The following VPS13B variants were observed in gnomAD, a reference collection of about 807,000 sequenced individuals.
VPS13B encodes the protein intermembrane lipid transfer protein VPS13B.
VPS13B carries 285 observed loss-of-function variants against 426.4 expected under a neutral mutation model. The observed-to-expected ratio is 0.67, with a 90% CI of 0.61 to 0.74. The LOEUF (loss-of-function observed/expected upper bound fraction) is 0.74. Among genes scored for constraint, VPS13B ranks in the 30% least tolerant of loss-of-function variants. The pLI, the probability that VPS13B is intolerant of heterozygous loss-of-function variation, is 0.00. For missense variants in VPS13B, 4,537 were observed against 4,782.6 expected, an observed-to-expected ratio of 0.95 and a Z score of 1.51; for synonymous variants, 1,676 against 1,676.4, an observed-to-expected ratio of 1.00 and a Z score of 0.01.
intron 31 of VPS13B, among the ~76,000 whole-genome samples, chr8:99,563,310 GA>G (rs1391855312): frequency 6.6e-6 from 1 of 152,100 alleles, no homozygotes; most frequent in African/African-American, 2.4e-5. Context: ...TCCAATCAAA[GA>G]AACAGACTTG....
chr8:99,641,730 GACA>G, intron 33 of VPS13B, 78 bp from the exon 34 acceptor site: 2 of 1,373,360 alleles, frequency 1.5e-6, no homozygotes, highest in East Asian at 5.0e-5. Flanking sequence ...TTTTCTCTTT[GACA>G]ACATGTTTAT....
intron 56 of VPS13B, among the ~76,000 whole-genome samples, chr8:99,855,758 C>T (rs558004710): frequency 6.6e-6 from 1 of 152,310 alleles, no homozygotes; most frequent in East Asian, 1.9e-4. Context: ...GTTATCTAGA[C>T]TCTTTTATAA....
intron 2 of VPS13B, among the ~76,000 whole-genome samples, chr8:99,014,157 G>A (rs1224174904): frequency 2.6e-5 from 3 of 113,432 alleles, no homozygotes; most frequent in Non-Finnish European, 5.0e-5. Flanking sequence ...TCGCTTTGTC[G>A]CCCAAGCTGG....
At chr8:99,668,495 A>G (rs528127062) in intron 35 of VPS13B, among the ~76,000 whole-genome samples, 1 of 152,206 alleles carries the variant, frequency 6.6e-6, no homozygotes, top group East Asian at 1.9e-4. Context: ...TGCAGGGATT[A>G]TTTTCTCTAA....
At chr8:99,321,163 G>T (rs1809958187) in intron 19 of VPS13B, among the ~76,000 whole-genome samples, 1 of 151,458 alleles carries the variant, frequency 6.6e-6, no homozygotes, top group East Asian at 1.9e-4. Flanking sequence ...GGTTGTTTTA[G>T]AAGCTGACGG....
chr8:99,872,371 A>G (rs909532649), intron 61 of VPS13B, among the ~76,000 whole-genome samples: 1 of 151,784 alleles, frequency 6.6e-6, no homozygotes, highest in African/African-American at 2.4e-5. Flanking sequence ...ATAGTTTCCC[A>G]CCCCCTGAGT....
At chr8:99,069,735 T>C (rs1229855970) in intron 3 of VPS13B, among the ~76,000 whole-genome samples, 2 of 152,332 alleles carry the variant, frequency 1.3e-5, no homozygotes, top group East Asian at 1.9e-4. Flanking sequence ...GAGGTTGTTA[T>C]ATTCAGTGTG....
chr8:99,129,367 T>C (rs1239844318), intron 8 of VPS13B, among the ~76,000 whole-genome samples: 1 of 151,626 alleles, frequency 6.6e-6, no homozygotes, highest in Non-Finnish European at 1.5e-5. Flanking sequence ...TCCTGACATA[T>C]AGCCTGGGCA....
chr8:99,389,127 T>C (rs958682664), intron 20 of VPS13B, among the ~76,000 whole-genome samples: 3 of 152,012 alleles, frequency 2.0e-5, no homozygotes, highest in Admixed American at 6.6e-5. Flanking sequence ...CCAGCCTGGG[T>C]GACAGAGCGA....
chr8:99,183,051 A>G (rs1037757336), intron 16 of VPS13B, among the ~76,000 whole-genome samples: 7 of 152,152 alleles, frequency 4.6e-5, no homozygotes, highest in Admixed American at 2.0e-4. Flanking sequence ...GGAAGACTAT[A>G]TTTAATGGTA....
At chr8:99,072,007 G>T (rs930833176) in intron 3 of VPS13B, among the ~76,000 whole-genome samples, 15 of 151,842 alleles carry the variant, frequency 9.9e-5, no homozygotes, top group Non-Finnish European at 2.2e-4. Flanking sequence ...ACCCAGAAAT[G>T]CCATCCAGAA....
rs182908956 is a variant in VPS13B at position 99,575,509 on chromosome 8, C to T, written c.4950-149C>T. The T allele has an allele frequency of 7.8e-5, 71 of 913,556 alleles. No individual in the cohort carries two copies. In the Admixed American group the frequency reaches 8.2e-4, roughly 11 times the overall value. The allele number at this position is 913,556 out of a possible 1,614,324, so 56.6% of individuals were successfully genotyped here. ...ATCTTATGGAATTGAAGTTAAGAAA[C>T]GATGACTGTAAAATATGCAAATAGG... On this transcript the variant is annotated intron_variant, in intron 31 of 61. Transcript: ENST00000357162.
intron 50 of VPS13B, among the ~76,000 whole-genome samples, chr8:99,821,774 T>C (rs1814383600): frequency 6.6e-6 from 1 of 152,154 alleles, no homozygotes; most frequent in South Asian, 2.1e-4. Flanking sequence ...TACTCCAAAA[T>C]ATCCACAAAT....
intron 17 of VPS13B, among the ~76,000 whole-genome samples, chr8:99,204,527 A>G (rs1187937874): frequency 6.6e-6 from 1 of 152,244 alleles, no homozygotes; most frequent in Non-Finnish European, 1.5e-5. Flanking sequence ...ATCAAACGAA[A>G]GAGCTTCTGC....
At chr8:99,820,533 T>C (rs1399320519) in intron 49 of VPS13B, among the ~76,000 whole-genome samples, 1 of 152,176 alleles carries the variant, frequency 6.6e-6, no homozygotes, top group African/African-American at 2.4e-5. Context: ...GAGCAACTGT[T>C]TTTGTCAGGG....
At chr8:99,717,053 C>G (rs995145683) in intron 36 of VPS13B, 118 bp from the exon 37 acceptor site, 2 of 1,051,804 alleles carry the variant, frequency 1.9e-6, no homozygotes, top group Non-Finnish European at 2.8e-6. Flanking sequence ...GACTGCCAAC[C>G]AAGCAAGACG....
At chr8:99,246,739 G>A (rs945413411) in intron 17 of VPS13B, among the ~76,000 whole-genome samples, 1 of 151,798 alleles carries the variant, frequency 6.6e-6, no homozygotes, top group African/African-American at 2.4e-5. Context: ...GGTAGCATGT[G>A]CCTGTAATCC....
chr8:99,067,395 A>C (rs1844587057), intron 3 of VPS13B, among the ~76,000 whole-genome samples: 1 of 152,348 alleles, frequency 6.6e-6, no homozygotes, highest in East Asian at 1.9e-4. Flanking sequence ...TCACAAGGAT[A>C]GAAAACCAAA....
intron 51 of VPS13B, among the ~76,000 whole-genome samples, chr8:99,826,939 A>G (rs560330590): frequency 6.6e-6 from 1 of 152,250 alleles, no homozygotes; most frequent in Admixed American, 6.5e-5. Context: ...CTTGGTGGTT[A>G]AGACTTTTAA....
Sources: gnomAD v4.1 joint callset for allele counts (sites outside exome capture counted in the v4.1 genomes callset) on GRCh38, gnomAD v4.1.1 for gene constraint, MANE v1.5 for transcripts, NCBI Gene and HGNC (gene_info 2026-07-23, HGNC 2026-07-21) for gene names.